CERS3: variants seen among roughly 807,000 people sequenced by gnomAD.
The protein encoded by CERS3 is ceramide synthase 3.
CERS3 carries 33 observed loss-of-function variants against 50.3 expected under a neutral mutation model. The observed-to-expected ratio is 0.66, with a 90% CI of 0.50 to 0.88. CERS3 has a LOEUF of 0.88. Ranked by LOEUF, CERS3 falls within the 40% of genes least tolerant of loss-of-function variation. The pLI is 0.00. For synonymous variants in CERS3, 176 were observed against 155.2 expected, an observed-to-expected ratio of 1.13 and a Z score of -0.99; for missense variants, 470 against 460.3, an observed-to-expected ratio of 1.02 and a Z score of -0.19.
chr15:100,528,744 C>G (rs1019096365), intron 1 of CERS3, 69 bp downstream of exon 1: 1 of 152,406 alleles, frequency 6.6e-6, no homozygotes, highest in Non-Finnish European at 1.5e-5. Flanking sequence ...CAAGCTCACA[C>G]GCGGAATCAC....
At chr15:100,457,931 A>G (rs1374989369) in intron 10 of CERS3, among the ~76,000 whole-genome samples, 2 of 152,180 alleles carry the variant, frequency 1.3e-5, no homozygotes, top group Non-Finnish European at 2.9e-5. Flanking sequence ...TATTTAGACA[A>G]CTTGATGTAT....
intron 11 of CERS3, among the ~76,000 whole-genome samples, chr15:100,429,078 A>G (rs1172201983): frequency 6.6e-6 from 1 of 152,254 alleles, no homozygotes; most frequent in Non-Finnish European, 1.5e-5. Flanking sequence ...CACAGATCAG[A>G]TAATGAATTT....
chr15:100,466,195 G>A (rs6598348), intron 10 of CERS3, among the ~76,000 whole-genome samples: 69,413 of 151,894 alleles, frequency 0.46, 16,823 homozygotes, highest in Non-Finnish European at 0.54. Context: ...GGAAAATAGC[G>A]CACTACCCCG....
chr15:100,437,432 C>T (rs2033470162), intron 11 of CERS3, among the ~76,000 whole-genome samples: 1 of 152,062 alleles, frequency 6.6e-6, no homozygotes, highest in African/African-American at 2.4e-5. Flanking sequence ...GAGGATGTGT[C>T]AAAAATGACC....
intron 4 of CERS3, among the ~76,000 whole-genome samples, chr15:100,487,789 T>C (rs569687231): frequency 7.0e-4 from 106 of 152,196 alleles, no homozygotes; most frequent in Non-Finnish European, 4.0e-4. Flanking sequence ...GCTCTAAAAA[T>C]GTTTGAATCT....
chr15:100,457,352 C>G (rs1331725417), intron 10 of CERS3, among the ~76,000 whole-genome samples: 1 of 152,210 alleles, frequency 6.6e-6, no homozygotes, highest in Non-Finnish European at 1.5e-5. Context: ...ACACCCTCCT[C>G]CACACATAAA....
At chr15:100,486,611 C>T (rs148912190) in intron 4 of CERS3, among the ~76,000 whole-genome samples, 292 of 152,314 alleles carry the variant, frequency 1.9e-3, no homozygotes, top group African/African-American at 6.5e-3. Flanking sequence ...GAACAGACCC[C>T]CAACATGGAG....
intron 10 of CERS3, among the ~76,000 whole-genome samples, chr15:100,468,341 G>T (rs2034851468): frequency 6.6e-6 from 1 of 152,146 alleles, no homozygotes; most frequent in South Asian, 2.1e-4. Context: ...TAAGTGTGGA[G>T]TCAGGATTTA....
At chr15:100,466,514 G>C (rs2034721566) in intron 10 of CERS3, among the ~76,000 whole-genome samples, 1 of 152,100 alleles carries the variant, frequency 6.6e-6, no homozygotes, top group Non-Finnish European at 1.5e-5. Context: ...TACAAGGTTG[G>C]AAATGACGTG....
chr15:100,436,718 T>C (rs1455979578), intron 11 of CERS3, among the ~76,000 whole-genome samples: 2 of 152,120 alleles, frequency 1.3e-5, no homozygotes, highest in East Asian at 1.9e-4. Context: ...TGCATAATCA[T>C]AGTGATAGGA....
At chr15:100,519,029 C>A (rs1308683973) in intron 2 of CERS3, among the ~76,000 whole-genome samples, 1 of 151,926 alleles carries the variant, frequency 6.6e-6, no homozygotes, top group African/African-American at 2.4e-5. Context: ...CGTGGTGGTG[C>A]GCATCTGTGA....
intron 11 of CERS3, among the ~76,000 whole-genome samples, chr15:100,405,743 T>C (rs560155783): frequency 6.6e-6 from 1 of 152,184 alleles, no homozygotes; most frequent in Non-Finnish European, 1.5e-5. Flanking sequence ...ATCCTGATTA[T>C]GGGGATGGCT....
intron 1 of CERS3, among the ~76,000 whole-genome samples, chr15:100,526,697 C>T (rs889508485): frequency 2.0e-5 from 3 of 151,876 alleles, no homozygotes; most frequent in African/African-American, 7.3e-5. Flanking sequence ...AAGTGATTTC[C>T]CAAGAAAGTA....
chr15:100,502,659 A>G (rs1464253286), intron 2 of CERS3, among the ~76,000 whole-genome samples: 1 of 152,232 alleles, frequency 6.6e-6, no homozygotes, highest in East Asian at 1.9e-4. Context: ...GTAAAGGAAT[A>G]TTTATTAAGA....
upstream of CERS3, among the ~76,000 whole-genome samples, chr15:100,531,080 G>C (rs1031020134): frequency 6.6e-6 from 1 of 151,860 alleles, no homozygotes; most frequent in African/African-American, 2.4e-5. Context: ...TGAGACTCCT[G>C]TCTCAAAAAA....
intron 1 of CERS3, among the ~76,000 whole-genome samples, chr15:100,526,421 G>A (rs145164107): frequency 2.6e-4 from 39 of 151,706 alleles, no homozygotes; most frequent in African/African-American, 8.7e-4. Context: ...TGAGCACTCT[G>A]CCAGCTCCTG....
At chr15:100,500,829 T>G (rs898580636) in intron 3 of CERS3, among the ~76,000 whole-genome samples, 1 of 152,178 alleles carries the variant, frequency 6.6e-6, no homozygotes, top group Non-Finnish European at 1.5e-5. Flanking sequence ...GCTCTCAAGA[T>G]AAGGACCCTG....
At chr15:100,474,992 G>T (rs774747687) in intron 8 of CERS3, among the ~76,000 whole-genome samples, 1 of 152,058 alleles carries the variant, frequency 6.6e-6, no homozygotes, top group Non-Finnish European at 1.5e-5. Context: ...CAATGCACCC[G>T]TAAATGATAA....
chr15:100,477,565 G>C (rs368616483), intron 7 of CERS3, among the ~76,000 whole-genome samples: 3 of 152,158 alleles, frequency 2.0e-5, no homozygotes, highest in Non-Finnish European at 4.4e-5. Flanking sequence ...GCACTAGAGC[G>C]AACCTTTTAT....
Sources: gnomAD v4.1 joint callset for allele counts (sites outside exome capture counted in the v4.1 genomes callset) on GRCh38, gnomAD v4.1.1 for gene constraint, MANE v1.5 for transcripts, NCBI Gene and HGNC (gene_info 2026-07-23, HGNC 2026-07-21) for gene names.